The following SCFD2 variants were observed in gnomAD, a reference collection of about 807,000 sequenced individuals.
The protein encoded by SCFD2 is sec1 family domain-containing protein 2.
Under a neutral mutation model 58.9 loss-of-function variants are expected in SCFD2, and 54 were observed. The observed-to-expected ratio is 0.92, with a 90% CI of 0.74 to 1.15. The LOEUF (loss-of-function observed/expected upper bound fraction) is 1.15. SCFD2 is among the 50% of genes most tolerant of loss of function. The pLI is 0.00. For synonymous variants in SCFD2, 321 were observed against 335.9 expected (o/e 0.96, Z 0.49); for missense variants, 805 against 836.6 (o/e 0.96, Z 0.47).
At chr4:52,961,493 T>G (rs1488134311) in intron 5 of SCFD2, among the ~76,000 whole-genome samples, 1 of 152,158 alleles carries the variant, frequency 6.6e-6, no homozygotes, top group Non-Finnish European at 1.5e-5. Context: ...AAAGCTAGCT[T>G]GAGTTGATTA....
At chr4:52,979,408 T>C (rs1721327037) in intron 5 of SCFD2, among the ~76,000 whole-genome samples, 1 of 152,110 alleles carries the variant, frequency 6.6e-6, no homozygotes, top group African/African-American at 2.4e-5. Context: ...ATTTCAAATA[T>C]ATATATATTA....
intron 5 of SCFD2, among the ~76,000 whole-genome samples, chr4:53,087,904 C>T (rs1214138282): frequency 6.6e-6 from 1 of 151,912 alleles, no homozygotes; most frequent in Non-Finnish European, 1.5e-5. Context: ...CATGATCCAC[C>T]CACCTCAGTC....
At chr4:52,938,832 A>G (rs1429171057) in intron 5 of SCFD2, among the ~76,000 whole-genome samples, 2 of 151,990 alleles carry the variant, frequency 1.3e-5, no homozygotes, top group East Asian at 3.9e-4. Context: ...ATATTGCTGG[A>G]CTCGTCATCG....
chr4:53,023,320 C>T (rs1722394624), intron 5 of SCFD2, among the ~76,000 whole-genome samples: 1 of 152,066 alleles, frequency 6.6e-6, no homozygotes, highest in Non-Finnish European at 1.5e-5. Flanking sequence ...TTCTCTATTC[C>T]AAAACTGCAC....
rs756476413 is a variant in SCFD2 at position 53,365,673 on chromosome 4, C to T, written c.269G>A (p.Arg90Gln). ...GAAGTGACTGCGGCAGATGATGTCCCGTAGGATCTCCACGGTCCGGCCTTT... is the reference window on the plus strand; with the variant it reads ...GAAGTGACTGCGGCAGATGATGTCCTGTAGGATCTCCACGGTCCGGCCTTT... ...LLKGRTVEIL[R>Q]DIICRSHFQY... Residue 90 changes from arginine to glutamine, a missense_variant, in exon 1 of 9, where the codon CGG becomes CAG. This residue lies in a region of SCFD2 where 155 missense variants were observed against 149.7 expected (regional missense o/e 1.04). Transcript: ENST00000401642. This position sits in a 1 kb window ranked among gnomAD's most constrained non-coding sequence, Gnocchi z 4.3. The T allele has an allele frequency of 6.2e-7, 1 of 1,614,160 alleles. No individual in the cohort carries two copies. Among genetic ancestry groups the T allele is most frequent in the Non-Finnish European group, 8.5e-7 (1 of 1,180,032 alleles).
At chr4:52,958,417 G>T (rs1720762063) in intron 5 of SCFD2, among the ~76,000 whole-genome samples, 1 of 152,218 alleles carries the variant, frequency 6.6e-6, no homozygotes, top group Admixed American at 6.5e-5. Flanking sequence ...CTTATTAATG[G>T]AGGAAGGGAG....
chr4:53,038,366 T>G (rs1383887686), intron 5 of SCFD2, among the ~76,000 whole-genome samples: 2 of 152,158 alleles, frequency 1.3e-5, no homozygotes, highest in African/African-American at 4.8e-5. Context: ...AAATCACCTT[T>G]CTTTGGCCCA....
At chr4:53,284,118 C>CA (rs561985080) in intron 3 of SCFD2, among the ~76,000 whole-genome samples, 12,781 of 81,928 alleles carry the variant, frequency 0.16, 765 homozygotes, top group Middle Eastern at 0.29. Flanking sequence ...GACTCCATCT[C>CA]AAAAAAAAAA....
At chr4:53,132,739 C>T (rs1289505378) in intron 5 of SCFD2, among the ~76,000 whole-genome samples, 1 of 152,140 alleles carries the variant, frequency 6.6e-6, no homozygotes, top group Admixed American at 6.5e-5. Context: ...GACATGAAAG[C>T]TGGTGATGGA....
At chr4:53,324,024 T>C (rs1577967340) in intron 2 of SCFD2, among the ~76,000 whole-genome samples, 3 of 152,086 alleles carry the variant, frequency 2.0e-5, no homozygotes, top group Non-Finnish European at 2.9e-5. Flanking sequence ...CCACAAGGAA[T>C]AGCAAAGTTA....
At chr4:53,092,383 C>T (rs1375873305) in intron 5 of SCFD2, among the ~76,000 whole-genome samples, 1 of 152,056 alleles carries the variant, frequency 6.6e-6, no homozygotes, top group Admixed American at 6.6e-5. Flanking sequence ...AACAGTTGGG[C>T]AATTTCTTTA....
chr4:52,980,534 A>T (rs1332457861), intron 5 of SCFD2, among the ~76,000 whole-genome samples: 1 of 152,190 alleles, frequency 6.6e-6, no homozygotes, highest in East Asian at 1.9e-4. Context: ...TGTTATTATT[A>T]GTATTTCAGG....
At chr4:53,238,502 AC>A (rs1199509100) in intron 4 of SCFD2, among the ~76,000 whole-genome samples, 1 of 141,192 alleles carries the variant, frequency 7.1e-6, no homozygotes, top group Non-Finnish European at 1.5e-5. Flanking sequence ...GCGGGGGCTG[AC>A]CCCCCCACCT....
chr4:53,256,992 C>T (rs1730663941), intron 4 of SCFD2, among the ~76,000 whole-genome samples: 1 of 151,836 alleles, frequency 6.6e-6, no homozygotes, highest in African/African-American at 2.4e-5. Flanking sequence ...GGTATTTCCT[C>T]ATAGCAGTGT....
chr4:52,949,615 G>T (rs1720534132), intron 5 of SCFD2: 1 of 152,222 alleles, frequency 6.6e-6, no homozygotes, highest in African/African-American at 2.4e-5. Flanking sequence ...GAGGCACAGA[G>T]AAATCAGTTC....
chr4:53,329,341 C>T (rs1430524346), intron 2 of SCFD2, among the ~76,000 whole-genome samples: 1 of 151,466 alleles, frequency 6.6e-6, no homozygotes, highest in African/African-American at 2.4e-5. Flanking sequence ...ACTTAAATGT[C>T]CCTGTCTGAC....
At chr4:52,917,635 G>A (rs1402368956) in intron 6 of SCFD2, among the ~76,000 whole-genome samples, 1 of 152,116 alleles carries the variant, frequency 6.6e-6, no homozygotes, top group Non-Finnish European at 1.5e-5. Context: ...GATCCCCATT[G>A]CCCCCACTCT....
intron 4 of SCFD2, among the ~76,000 whole-genome samples, chr4:53,190,590 C>T (rs1170379966): frequency 1.3e-5 from 2 of 152,168 alleles, no homozygotes; most frequent in Admixed American, 6.5e-5. Context: ...CGGCATTATA[C>T]TTTCTAATAT....
chr4:53,317,591 T>C (rs1732903283), intron 2 of SCFD2, among the ~76,000 whole-genome samples: 1 of 152,222 alleles, frequency 6.6e-6, no homozygotes, highest in African/African-American at 2.4e-5. Flanking sequence ...CTTTATCATC[T>C]CCAACTGTGC....
Sources: gnomAD v4.1 joint callset for allele counts (sites outside exome capture counted in the v4.1 genomes callset) on GRCh38, gnomAD v4.1.1 for gene constraint, gnomAD v4.1.1 regional missense constraint, Gnocchi (gnomAD v3.1) non-coding constraint, MANE v1.5 for transcripts, NCBI Gene and HGNC (gene_info 2026-07-23, HGNC 2026-07-21) for gene names.